The following DET1 variants were observed in gnomAD, a reference collection of about 807,000 sequenced individuals.
DET1 encodes the protein DET1 homolog.
Under a neutral mutation model 43.7 loss-of-function variants are expected in DET1, and 22 were observed. The ratio of observed to expected loss-of-function variants is 0.50; its 90% CI spans 0.36 to 0.72. DET1 has a LOEUF of 0.72. Among genes scored for constraint, DET1 ranks in the 30% least tolerant of loss-of-function variants. DET1 has a pLI of 0.00. For missense variants in DET1, 713 were observed against 713.3 expected (o/e 1.00, Z 0.00); for synonymous variants, 315 against 266.2 (o/e 1.18, Z -1.79).
intron 1 of DET1, among the ~76,000 whole-genome samples, chr15:88,534,402 T>C (rs1288974234): frequency 6.6e-6 from 1 of 152,222 alleles, no homozygotes; most frequent in Admixed American, 6.5e-5. Flanking sequence ...TACCACTGAA[T>C]GGGCAGTGAG....
intron 1 of DET1, among the ~76,000 whole-genome samples, chr15:88,532,571 A>G (rs1218997707): frequency 6.6e-6 from 1 of 152,252 alleles, no homozygotes; most frequent in East Asian, 1.9e-4. Flanking sequence ...AAACCACAGT[A>G]ATCAAAAAAT....
chr15:88,544,248 C>T (rs550779274), intron 1 of DET1, among the ~76,000 whole-genome samples: 12 of 152,202 alleles, frequency 7.9e-5, no homozygotes, highest in South Asian at 2.1e-4. Context: ...ACACATGAAC[C>T]GCACCCTAAA....
chr15:88,511,620 G>T, downstream of DET1: 1 of 982,470 alleles, frequency 1.0e-6, no homozygotes, highest in African/African-American at 1.7e-5. Flanking sequence ...TTATTGTACT[G>T]TATTATAATA....
intron 1 of DET1, among the ~76,000 whole-genome samples, chr15:88,534,933 G>GA (rs1198032070): frequency 6.6e-6 from 1 of 152,084 alleles, no homozygotes; most frequent in Non-Finnish European, 1.5e-5. Context: ...GAAGTACTAG[G>GA]AAAAAACTCA....
Position 88,527,268 on chromosome 15 carries a change from T to C in DET1, c.1271+331A>G, listed in dbSNP as rs909034640. On this transcript the variant is annotated intron_variant, in intron 3 of 4. Transcript: ENST00000268148. ...AAATACATGTGTTCAACATATCATG[T>C]TTAACCAAAAGTTTCTAAAATGATT... Among the ~76,000 whole-genome samples, 6 of 152,222 alleles carry C rather than the reference T, an allele frequency of 3.9e-5. No individual in the cohort carries two copies. In the East Asian group the frequency reaches 1.2e-3, roughly 29 times the overall value.
downstream of DET1, among the ~76,000 whole-genome samples, chr15:88,507,543 T>C (rs1380635179): frequency 2.6e-5 from 4 of 152,250 alleles, no homozygotes; most frequent in Non-Finnish European, 4.4e-5. Context: ...CCAATCACGA[T>C]AGTCCCATAC....
chr15:88,543,944 TG>T (rs1413953038), intron 1 of DET1, among the ~76,000 whole-genome samples: 4 of 152,290 alleles, frequency 2.6e-5, no homozygotes, highest in African/African-American at 7.2e-5. Flanking sequence ...AGAAGAAAAG[TG>T]GGAAATTGAC....
chr15:88,538,556 A>T (rs8027446), intron 1 of DET1, among the ~76,000 whole-genome samples: 1 of 152,122 alleles, frequency 6.6e-6, no homozygotes, highest in Non-Finnish European at 1.5e-5. Context: ...AATTTTGAGC[A>T]TTAGCCGTCT....
At chr15:88,527,546 C>G (rs1598332839) in intron 3 of DET1, 53 bp downstream of exon 3, 1 of 1,502,256 alleles carries the variant, frequency 6.7e-7, no homozygotes, top group Non-Finnish European at 8.9e-7. Flanking sequence ...AGCTATTGGC[C>G]TAACACCAAT....
At chr15:88,545,127 G>C (rs1027757259) in intron 1 of DET1, among the ~76,000 whole-genome samples, 6 of 152,050 alleles carry the variant, frequency 3.9e-5, no homozygotes, top group Non-Finnish European at 2.9e-5. Context: ...GGATCAACCA[G>C]ATCTTCATTC....
In DET1 at chr15:88,516,558, T is replaced by G. The variant is rs1187088767; in HGVS notation, c.1463+224A>C. 6.6e-6 allele frequency among the ~76,000 whole-genome samples: 1 copy of G among 152,216 alleles called. No homozygotes were observed. The highest frequency in any genetic ancestry group is 2.4e-5 in the African/African-American group (1 of 41,452). On this transcript the variant is annotated intron_variant, in intron 4 of 4. Coordinates refer to ENST00000268148, the MANE Select transcript of DET1 (RefSeq NM_001144074.3). This position sits in a 1 kb window ranked among gnomAD's most constrained non-coding sequence, Gnocchi z 4.4. ...TACCTTTAAAAGAGGACAACACTTA[T>G]CTGAATTAGATGTTCTGATGAGAAG...
chr15:88,525,544 A>C (rs942766634), intron 3 of DET1, among the ~76,000 whole-genome samples: 1 of 152,202 alleles, frequency 6.6e-6, no homozygotes, highest in Non-Finnish European at 1.5e-5. Context: ...CAGGGCAGAC[A>C]CTGGCCTTGG....
rs764863153 is a variant in DET1 at position 88,531,629 on chromosome 15, C to T, written c.77G>A (p.Arg26Gln). 14 of 1,613,828 alleles carry T rather than the reference C, an allele frequency of 8.7e-6. No individual in the cohort carries two copies. The highest frequency in any genetic ancestry group is 4.5e-5 in the East Asian group (2 of 44,892). The change falls in exon 2 of 5, where the codon CGG becomes CAG. Residue 26 changes from arginine (R) to glutamine (Q), a missense_variant. Arg to Gln is a conservative substitution (Grantham distance 43, BLOSUM62 1). Transcript: ENST00000268148. The surrounding 1 kb of genome is among the most constrained non-coding windows in gnomAD (Gnocchi z 6.2). ...GGTACCTGCCTTGCCTGAACTGATC[C>T]GCCGGCGTTCCAAGCGGTGAATGAC... ...QNVIHRLERR[R>Q]ISSGKAGTHW...
rs2056225914 is a variant in DET1 at position 88,512,708 on chromosome 15, G to A, written c.*243C>T. The A allele has an allele frequency of 1.6e-6, 2 of 1,241,028 alleles. No homozygotes were observed. The highest frequency in any genetic ancestry group is 8.0e-5 in the Admixed American group (2 of 25,000). 76.9% of individuals were successfully genotyped at this position (1,241,028 alleles called of 1,614,324 possible). A position where few individuals can be genotyped will look rare whatever the true frequency, so the allele number is the denominator to read the frequency against. On this transcript the variant is annotated 3_prime_UTR_variant, in exon 5 of 5. Coordinates refer to ENST00000268148, the MANE Select transcript of DET1 (RefSeq NM_001144074.3). ...CAAAAATGAAATGGACTTAATTAAT[G>A]CTGGGCATTCCCACAGGGAAAACGC...
intron 3 of DET1, among the ~76,000 whole-genome samples, chr15:88,522,633 C>T (rs537524716): frequency 4.6e-5 from 7 of 151,132 alleles, no homozygotes; most frequent in Admixed American, 4.6e-4. Context: ...CTCAGCCTCC[C>T]GAGTAGCTGG....
At chr15:88,508,965 A>G (rs574600961), downstream of DET1, among the ~76,000 whole-genome samples, 25 of 152,344 alleles carry the variant, frequency 1.6e-4, no homozygotes, top group East Asian at 4.6e-3. Context: ...AAAAGCCACA[A>G]GGAGACAGGA....
downstream of DET1, among the ~76,000 whole-genome samples, chr15:88,507,603 T>C (rs1465883): frequency 0.7 from 105,787 of 152,176 alleles, 37,041 homozygotes; most frequent in South Asian, 0.84. Flanking sequence ...GCATGGAATG[T>C]CATGTGTCTT....
chr15:88,513,433 G>T (rs1004062090), intron 4 of DET1, among the ~76,000 whole-genome samples: 1 of 151,968 alleles, frequency 6.6e-6, no homozygotes, highest in South Asian at 2.1e-4. Flanking sequence ...GCTTCCAGAC[G>T]TTCCTGCCTC....
At position 88,516,768 on chromosome 15, in the gene DET1, C is replaced by A; in HGVS notation, c.1463+14G>T. 1 of 1,540,462 alleles carries A rather than the reference C, an allele frequency of 6.5e-7. No homozygotes were observed. Among genetic ancestry groups the A allele is most frequent in the Non-Finnish European group, 8.7e-7 (1 of 1,148,970 alleles). The stretch of plus-strand genomic sequence containing the variant: ...GCCCTTGAGCAGTTTGTAGCTATAG[C>A]AGTGACACTGTACCTGATTGGGTGA... On this transcript the variant is annotated intron_variant, in intron 4 of 4. Coordinates refer to ENST00000268148, the MANE Select transcript of DET1 (RefSeq NM_001144074.3). This position sits in a 1 kb window ranked among gnomAD's most constrained non-coding sequence, Gnocchi z 4.4.
Sources: allele counts gnomAD v4.1 joint callset (sites outside exome capture counted in the v4.1 genomes callset), GRCh38; gene constraint gnomAD v4.1.1; non-coding constraint Gnocchi (gnomAD v3.1); transcripts MANE v1.5; gene names NCBI Gene and HGNC (gene_info 2026-07-23, HGNC 2026-07-21).